Variants in TAFA2 observed in about 807,000 individuals in gnomAD.
The protein encoded by TAFA2 is chemokine-like protein TAFA-2.
In TAFA2, 7 loss-of-function variants were observed where a neutral mutation model predicts 18.8. That is an observed-to-expected ratio of 0.37 (90% CI 0.21 to 0.70). The LOEUF (loss-of-function observed/expected upper bound fraction) is 0.70. Ranked by LOEUF, TAFA2 falls within the 30% of genes least tolerant of loss-of-function variation. The pLI, the probability that TAFA2 is intolerant of heterozygous loss-of-function variation, is 0.53. For missense variants in TAFA2, 122 were observed against 158.1 expected, an observed-to-expected ratio of 0.77 and a Z score of 1.23; for synonymous variants, 60 against 54.2, an observed-to-expected ratio of 1.11 and a Z score of -0.47.
Position 61,829,228 on chromosome 12 carries a change from T to A in TAFA2, c.106+38092A>T, listed in dbSNP as rs543481818. ...ACTGAAGTTTGGCTCCAACCTTGAT[T>A]TTAAGCCTAAATCTGCTTTTAGGTT... On this transcript the variant is annotated intron_variant, in intron 2 of 4. Transcript: ENST00000416284. Among the ~76,000 whole-genome samples, 8 of 151,880 alleles carry A rather than the reference T, an allele frequency of 5.3e-5. No individual in the cohort carries two copies. In the South Asian group the frequency reaches 1.7e-3, roughly 31 times the overall value.
At chr12:62,208,862 C>T (rs918796587) in intron 1 of TAFA2, among the ~76,000 whole-genome samples, 2 of 152,224 alleles carry the variant, frequency 1.3e-5, no homozygotes, top group African/African-American at 4.8e-5. Context: ...CTCCTTCAGT[C>T]TCCACCTGAG....
chr12:62,050,116 C>T (rs1212755683), intron 1 of TAFA2, among the ~76,000 whole-genome samples: 2 of 152,080 alleles, frequency 1.3e-5, no homozygotes, highest in East Asian at 3.9e-4. Flanking sequence ...GCAAGATAGC[C>T]TACTCTTTTG....
chr12:62,163,667 T>C (rs1050093780), intron 1 of TAFA2, among the ~76,000 whole-genome samples: 2 of 152,126 alleles, frequency 1.3e-5, no homozygotes, highest in Non-Finnish European at 1.5e-5. Flanking sequence ...GCCCACAGAA[T>C]GTCCTCTTTC....
chr12:62,122,612 C>T (rs535314402), intron 1 of TAFA2, among the ~76,000 whole-genome samples: 1 of 152,220 alleles, frequency 6.6e-6, no homozygotes, highest in South Asian at 2.1e-4. Context: ...TTCTGATGAA[C>T]CCAAGATTCC....
intron 4 of TAFA2, among the ~76,000 whole-genome samples, chr12:61,749,109 T>C (rs867396102): frequency 8.2e-6 from 1 of 122,198 alleles, no homozygotes; most frequent in African/African-American, 3.1e-5. Context: ...TTACTAAAAA[T>C]AAAAAAAAAA....
At chr12:62,067,408 GT>G (rs965171484) in intron 1 of TAFA2, among the ~76,000 whole-genome samples, 1 of 151,966 alleles carries the variant, frequency 6.6e-6, no homozygotes, top group African/African-American at 2.4e-5. Context: ...GTCCTGGAGA[GT>G]TTCCCCTATG....
At chr12:61,959,273 T>C (rs1180355625) in intron 1 of TAFA2, among the ~76,000 whole-genome samples, 1 of 152,054 alleles carries the variant, frequency 6.6e-6, no homozygotes, top group East Asian at 1.9e-4. Context: ...GTTGATATTT[T>C]CATAATATTG....
chr12:62,021,529 C>T, intron 1 of TAFA2: 1 of 558,716 alleles, frequency 1.8e-6, no homozygotes, highest in Non-Finnish European at 3.5e-6. Flanking sequence ...TACAGAACAA[C>T]ATCCAGACTC....
intron 4 of TAFA2, among the ~76,000 whole-genome samples, chr12:61,724,620 A>G (rs1160300076): frequency 6.6e-6 from 1 of 152,030 alleles, no homozygotes; most frequent in Non-Finnish European, 1.5e-5. Flanking sequence ...TTCACTTATA[A>G]GTGAGAACAT....
intron 1 of TAFA2, among the ~76,000 whole-genome samples, chr12:61,993,454 G>A (rs966192085): frequency 1.3e-5 from 2 of 152,098 alleles, no homozygotes; most frequent in Non-Finnish European, 2.9e-5. Flanking sequence ...TAAAATGTCT[G>A]TCTCATCTAG....
intron 2 of TAFA2, among the ~76,000 whole-genome samples, chr12:61,837,222 T>G (rs1402823237): frequency 6.6e-6 from 1 of 151,990 alleles, no homozygotes; most frequent in Non-Finnish European, 1.5e-5. Context: ...AAATTCTATA[T>G]GAAAACCACA....
At chr12:62,068,253 A>G (rs188528244) in intron 1 of TAFA2, among the ~76,000 whole-genome samples, 28 of 152,258 alleles carry the variant, frequency 1.8e-4, no homozygotes, top group African/African-American at 6.5e-4. Flanking sequence ...TGAACTAGCT[A>G]TACAAAGTTA....
At chr12:61,996,928 A>G (rs1397222535) in intron 1 of TAFA2, among the ~76,000 whole-genome samples, 1 of 152,142 alleles carries the variant, frequency 6.6e-6, no homozygotes, top group African/African-American at 2.4e-5. Context: ...TAGTCTGCAC[A>G]TTTGCCAAGC....
intron 2 of TAFA2, among the ~76,000 whole-genome samples, chr12:61,792,063 A>T (rs1375324444): frequency 6.6e-6 from 1 of 151,712 alleles, no homozygotes; most frequent in Non-Finnish European, 1.5e-5. Flanking sequence ...CATTTGCAAC[A>T]ACATGGATAA....
intron 2 of TAFA2, among the ~76,000 whole-genome samples, chr12:61,790,259 A>G (rs1469777271): frequency 6.6e-6 from 1 of 151,882 alleles, no homozygotes; most frequent in Admixed American, 6.6e-5. Context: ...CACAGCTAAC[A>G]TCATACTAAA....
chr12:61,756,457 T>C (rs1869271646), intron 2 of TAFA2, among the ~76,000 whole-genome samples: 2 of 152,116 alleles, frequency 1.3e-5, no homozygotes, highest in Non-Finnish European at 2.9e-5. Context: ...AAATGGTTTA[T>C]ATTACATTAT....
intron 1 of TAFA2, among the ~76,000 whole-genome samples, chr12:62,111,200 T>C (rs1869715324): frequency 6.6e-6 from 1 of 152,228 alleles, no homozygotes; most frequent in Non-Finnish European, 1.5e-5. Flanking sequence ...TTGTTCTCAT[T>C]GGTTTCAAAG....
intron 1 of TAFA2, among the ~76,000 whole-genome samples, chr12:62,095,790 GA>G (rs1868923684): frequency 6.6e-6 from 1 of 152,064 alleles, no homozygotes; most frequent in Non-Finnish European, 1.5e-5. Flanking sequence ...TCATACAAAG[GA>G]AAACTAATAT....
intron 1 of TAFA2, among the ~76,000 whole-genome samples, chr12:62,146,642 T>A (rs1307459106): frequency 6.6e-6 from 1 of 152,148 alleles, no homozygotes; most frequent in Non-Finnish European, 1.5e-5. Flanking sequence ...TTAACCTCTC[T>A]GTCCCTAATT....
Sources: gnomAD v4.1 joint callset for allele counts (sites outside exome capture counted in the v4.1 genomes callset) on GRCh38, gnomAD v4.1.1 for gene constraint, MANE v1.5 for transcripts, NCBI Gene and HGNC (gene_info 2026-07-23, HGNC 2026-07-21) for gene names.